Variants in PYY observed in about 807,000 individuals in gnomAD.
PYY encodes the protein peptide tyrosine tyrosine.
A neutral mutation model predicts 10.3 loss-of-function variants in PYY; 12 were observed. The observed-to-expected ratio is 1.17, with a 90% CI of 0.75 to 1.89. PYY has a LOEUF of 1.89. Ranked by LOEUF, PYY falls within the 40% of genes most tolerant of loss-of-function variation. The pLI, the probability that PYY is intolerant of heterozygous loss-of-function variation, is 0.00. For synonymous variants in PYY, 66 were observed against 62.0 expected, an observed-to-expected ratio of 1.06 and a Z score of -0.30; for missense variants, 141 against 134.0, an observed-to-expected ratio of 1.05 and a Z score of -0.26.
chr17:43,968,699 C>T (rs2048769936), intron 1 of PYY, among the ~76,000 whole-genome samples: 1 of 152,138 alleles, frequency 6.6e-6, no homozygotes, highest in Admixed American at 6.6e-5. Flanking sequence ...GTGGTCCCAG[C>T]TACTCGGGAG....
chr17:43,953,355 C>G lies in PYY; in HGVS notation c.129G>C (p.Glu43Asp). 6.2e-7 allele frequency: 1 copy of G among 1,612,572 alleles called. No individual in the cohort carries two copies. The highest frequency in any genetic ancestry group is 1.1e-5 in the South Asian group (1 of 90,990). Residue 43 changes from glutamate to aspartate, a missense_variant, in exon 2 of 4, where the codon GAG becomes GAC. Glu to Asp is a conservative substitution (Grantham distance 45, BLOSUM62 2). Coordinates refer to ENST00000692052, the MANE Select transcript of PYY (RefSeq NM_001394028.1). ...GGGAGGCGTAGTAGCGGTTCAGCTC[C>G]TCCGGCGAGGCGTCTTCGCGGGGAG... The part of the protein sequence containing the change: ...PEAPREDASP[E>D]ELNRYYASLR...
intron 2 of PYY, among the ~76,000 whole-genome samples, chr17:43,960,848 G>A (rs1429651083): frequency 2.0e-3 from 140 of 70,456 alleles, no homozygotes; most frequent in African/African-American, 5.5e-3. Flanking sequence ...AGACTCCGTC[G>A]CAAAAAAAAA....
chr17:43,971,266 A>G (rs1387786243), intron 1 of PYY, among the ~76,000 whole-genome samples: 1 of 152,004 alleles, frequency 6.6e-6, no homozygotes, highest in African/African-American at 2.4e-5. Flanking sequence ...GCAGCTCATC[A>G]TGGTTTTAAC....
intron 1 of PYY, among the ~76,000 whole-genome samples, chr17:43,970,146 A>C (rs2143916430): frequency 6.8e-6 from 1 of 146,508 alleles, no homozygotes; most frequent in South Asian, 2.2e-4. Flanking sequence ...GGTTACCGTG[A>C]GCCATGATCA....
chr17:43,967,768 G>A (rs912003781), intron 1 of PYY, among the ~76,000 whole-genome samples: 4 of 152,060 alleles, frequency 2.6e-5, no homozygotes, highest in African/African-American at 9.7e-5. Context: ...GGGGAAACGG[G>A]GGAAGAAAGC....
chr17:43,961,666 G>A (rs967179671), intron 2 of PYY, among the ~76,000 whole-genome samples: 5 of 152,038 alleles, frequency 3.3e-5, no homozygotes, highest in East Asian at 1.9e-4. Context: ...TCAGCCTCCC[G>A]AGTAGCTGGG....
intron 1 of PYY, among the ~76,000 whole-genome samples, chr17:43,968,807 A>G (rs2048770565): frequency 6.6e-6 from 1 of 151,728 alleles, no homozygotes; most frequent in Non-Finnish European, 1.5e-5. Context: ...GTGTGACTCC[A>G]TCTCTAAATA....
At chr17:43,964,982 A>G (rs2700830) in intron 2 of PYY, among the ~76,000 whole-genome samples, 85,793 of 152,108 alleles carry the variant, frequency 0.56, 25,855 homozygotes, top group South Asian at 0.73. Flanking sequence ...GAAAGAGGAC[A>G]CAGATGTCAT....
At chr17:43,988,038 C>T (rs1325968367) in intron 1 of PYY, among the ~76,000 whole-genome samples, 2 of 152,172 alleles carry the variant, frequency 1.3e-5, no homozygotes, top group African/African-American at 4.8e-5. Context: ...CCCAGGGCCA[C>T]AGCCACACGC....
At chr17:43,984,805 G>A (rs2048906076) in intron 1 of PYY, among the ~76,000 whole-genome samples, 1 of 152,182 alleles carries the variant, frequency 6.6e-6, no homozygotes, top group African/African-American at 2.4e-5. Flanking sequence ...TATTGAAATT[G>A]ATCATCTAAA....
chr17:43,956,499 A>T (rs2048673435), upstream of PYY, among the ~76,000 whole-genome samples: 1 of 152,016 alleles, frequency 6.6e-6, no homozygotes, highest in Admixed American at 6.6e-5. Flanking sequence ...GAGGGGGGAA[A>T]CTTCAGAAAC....
At chr17:43,961,906 T>C (rs904202991) in intron 2 of PYY, among the ~76,000 whole-genome samples, 3 of 152,084 alleles carry the variant, frequency 2.0e-5, no homozygotes, top group African/African-American at 7.2e-5. Flanking sequence ...TCTTACCACA[T>C]TGAAAGTGGC....
intron 2 of PYY, among the ~76,000 whole-genome samples, chr17:43,959,401 T>C (rs2048696541): frequency 6.6e-6 from 1 of 152,184 alleles, no homozygotes; most frequent in Admixed American, 6.5e-5. Context: ...CCAATAAAAA[T>C]AGGCTGGGTG....
At chr17:43,974,300 G>A (rs759101474) in intron 1 of PYY, among the ~76,000 whole-genome samples, 4 of 151,736 alleles carry the variant, frequency 2.6e-5, no homozygotes, top group African/African-American at 4.8e-5. Flanking sequence ...GATTCAGACC[G>A]TCCTGCACAA....
Position 43,988,737 on chromosome 17 carries a change from C to CT in PYY, c.-463+15653dup, listed in dbSNP as rs892349501. On this transcript the variant is annotated intron_variant, in intron 1 of 6. Transcript: ENST00000360085. The stretch of plus-strand genomic sequence containing the variant: ...TAGTGGATATTTTCTGGTTCTCTAG[C>CT]TTTTTTTTTTCTTTTTCTTCTTTCT... Among the ~76,000 whole-genome samples the CT allele has an allele frequency of 2.4e-3, 352 of 145,960 alleles. 1 individual carries two copies. Among genetic ancestry groups the CT allele is most frequent in the Non-Finnish European group, 3.4e-3 (225 of 66,426 alleles).
At chr17:44,003,666 CAAACAAA>C (rs1296506117) in intron 1 of PYY, among the ~76,000 whole-genome samples, 1 of 57,892 alleles carries the variant, frequency 1.7e-5, no homozygotes, top group African/African-American at 6.0e-5. Context: ...AACAAACAAA[CAAACAAA>C]AAAAAAAAAA....
At chr17:44,000,597 T>C (rs567076492) in intron 1 of PYY, among the ~76,000 whole-genome samples, 1 of 150,430 alleles carries the variant, frequency 6.6e-6, no homozygotes, top group South Asian at 2.2e-4. Flanking sequence ...GACTGAGTCT[T>C]GCTCTGTCAC....
chr17:43,993,649 T>A (rs141654277), intron 1 of PYY, among the ~76,000 whole-genome samples: 1,560 of 151,406 alleles, frequency 0.01, 24 homozygotes, highest in African/African-American at 0.035. Context: ...TGCTGTGACA[T>A]ACTGATAAGT....
chr17:43,978,274 AGAGAGAAG>A (rs2048861383), intron 1 of PYY, among the ~76,000 whole-genome samples: 1 of 150,702 alleles, frequency 6.6e-6, no homozygotes, highest in Non-Finnish European at 1.5e-5. Context: ...AAAGAGAGAG[AGAGAGAAG>A]GAAGGAAGGA....
Sources: allele counts gnomAD v4.1 joint callset (sites outside exome capture counted in the v4.1 genomes callset), GRCh38; gene constraint gnomAD v4.1.1; transcripts MANE v1.5; gene names NCBI Gene and HGNC (gene_info 2026-07-23, HGNC 2026-07-21).